ZP2: variants seen among roughly 807,000 people sequenced by gnomAD.
ZP2 encodes the protein zona pellucida glycoprotein 2.
ZP2 carries 51 observed loss-of-function variants against 84.0 expected under a neutral mutation model. The observed-to-expected ratio is 0.61, with a 90% CI of 0.49 to 0.77. The LOEUF (loss-of-function observed/expected upper bound fraction) is 0.77. ZP2 is among the 30% of genes least tolerant of loss of function. The probability of loss-of-function intolerance (pLI) is 0.00; values close to 1 mark genes in which losing one functional copy is unlikely to be tolerated. For synonymous variants in ZP2, 375 were observed against 330.9 expected (o/e 1.13, Z -1.45); for missense variants, 909 against 911.9 (o/e 1.00, Z 0.04).
At chr16:21,211,247 G>C (rs564114481) in intron 2 of ZP2, 60 bp downstream of exon 2, 1 of 1,480,362 alleles carries the variant, frequency 6.8e-7, no homozygotes, top group African/African-American at 1.4e-5. Context: ...GGCCAGCTAG[G>C]CCTTCCAGCT....
chr16:21,199,318 CAAAAAAAAAAAAA>C (rs10644558), intron 16 of ZP2, among the ~76,000 whole-genome samples: 1 of 45,728 alleles, frequency 2.2e-5, no homozygotes, highest in South Asian at 1.2e-3. Flanking sequence ...AAAACTGTCT[CAAAAAAAAAAAAA>C]AAAAAAAAAA....
Position 21,201,730 on chromosome 16 carries a change from T to G in ZP2, c.1480A>C (p.Thr494Pro). Residue 494 changes from threonine to proline, a missense_variant, in exon 13 of 19, where the codon ACC (threonine) becomes CCC (proline). By Grantham distance (38) the Thr-to-Pro change is conservative. Coordinates refer to ENST00000574091, the MANE Select transcript of ZP2 (RefSeq NM_001376232.1). The stretch of plus-strand genomic sequence containing the variant: ...CCTGGGTAGCTTTGCAGGATCAAGG[T>G]AAATGGACCCAACTTCACTGAGGCC... ...PVASVKLGPF[T>P]LILQSYPDNS... The G allele has an allele frequency of 6.2e-7, 1 of 1,614,082 alleles. No homozygotes were observed. Among genetic ancestry groups the G allele is most frequent in the South Asian group, 1.1e-5 (1 of 91,078 alleles).
upstream of ZP2, chr16:21,211,757 G>C (rs1239268765): frequency 2.3e-5 from 34 of 1,465,788 alleles, no homozygotes; most frequent in Non-Finnish European, 2.9e-5. Flanking sequence ...CTGTGGGCCA[G>C]GCATGAAATC....
Position 21,201,692 on chromosome 16 carries a change from C to T in ZP2, c.1504+14G>A. 5.0e-6 allele frequency: 8 copies of T among 1,614,016 alleles called. No individual in the cohort carries two copies. Among genetic ancestry groups the T allele is most frequent in the Non-Finnish European group, 6.8e-6 (8 of 1,179,986 alleles). ...GAGATCATTTAAGCAATTTCACAGA[C>T]TGCAATCTCTTACCTGGGTAGCTTT... On this transcript the variant is annotated intron_variant, in intron 13 of 18. Transcript: ENST00000574091.
At position 21,201,459 on chromosome 16, in the gene ZP2, T is replaced by TC; in HGVS notation, c.1603dup (p.Asp535GlyfsTer10). 6.2e-7 allele frequency: 1 copy of TC among 1,613,654 alleles called. No individual in the cohort carries two copies. Among genetic ancestry groups the TC allele is most frequent in the Non-Finnish European group, 8.5e-7 (1 of 1,179,856 alleles). ...ATCTAAGACCAGCTTGATGTTGGGG[T>TC]CATCCCTGTTTAGGACTCTCACTTC... On this transcript the variant is annotated frameshift_variant, in exon 14 of 19. Coordinates refer to ENST00000574091, the MANE Select transcript of ZP2 (RefSeq NM_001376232.1). LOFTEE classifies it high-confidence loss of function.
intron 14 of ZP2, among the ~76,000 whole-genome samples, chr16:21,200,451 GA>G (rs1363873107): frequency 6.6e-6 from 1 of 152,100 alleles, no homozygotes; most frequent in Non-Finnish European, 1.5e-5. Context: ...AAACAAAACA[GA>G]AGGCTTAGTA....
At chr16:21,205,849 G>A (rs564518113) in intron 5 of ZP2, 74 bp from the exon 6 acceptor site, 70 of 1,514,948 alleles carry the variant, frequency 4.6e-5, no homozygotes, top group Non-Finnish European at 5.3e-5. Flanking sequence ...AGAAATTGCT[G>A]TGTGGTTGTC....
chr16:21,201,787 T>A lies in ZP2; in HGVS notation c.1423A>T (p.Asn475Tyr). 6.2e-7 allele frequency: 1 copy of A among 1,614,138 alleles called. No homozygotes were observed. The highest frequency in any genetic ancestry group is 8.5e-7 in the Non-Finnish European group (1 of 1,180,016). The change falls in exon 13 of 19, where the codon AAC becomes TAC. Residue 475 changes from asparagine (N) to tyrosine (Y), a missense_variant. Asn to Tyr is a moderately radical substitution (Grantham distance 143). Coordinates refer to ENST00000574091, the MANE Select transcript of ZP2 (RefSeq NM_001376232.1). Reference sequence around the variant, plus strand: ...GGAGTAAGGCTTTCAACGTTGATGTTTAGTAGCATGTCATTCCTGCTATAA... The same window carrying A: ...GGAGTAAGGCTTTCAACGTTGATGTATAGTAGCATGTCATTCCTGCTATAA... ...CSYSRNDMLL[N>Y]INVESLTPPV...
chr16:21,210,399 T>A (rs142297015), intron 2 of ZP2, among the ~76,000 whole-genome samples: 14 of 152,140 alleles, frequency 9.2e-5, no homozygotes, highest in Non-Finnish European at 1.8e-4. Flanking sequence ...CCCAGGGCTT[T>A]TGAAGTGTTC....
chr16:21,202,753 G>A (rs766654532), intron 10 of ZP2, among the ~76,000 whole-genome samples: 2 of 140,478 alleles, frequency 1.4e-5, no homozygotes, highest in African/African-American at 2.7e-5. Flanking sequence ...ACATGGTGGA[G>A]GCAATGCTAA....
intron 17 of ZP2, 74 bp downstream of exon 17, chr16:21,198,705 T>C (rs531457217): frequency 3.9e-4 from 488 of 1,244,174 alleles, no homozygotes; most frequent in Non-Finnish European, 5.3e-4. Flanking sequence ...ACATAGTATA[T>C]GTAAGCACTG....
At chr16:21,207,635 AACACACACACACACACAC>A (rs10530241) in intron 4 of ZP2, among the ~76,000 whole-genome samples, 1,633 of 143,826 alleles carry the variant, frequency 0.011, 10 homozygotes, top group Middle Eastern at 0.017. Flanking sequence ...ATATATATTA[AACACACACACACACACAC>A]ACACACACAC....
At chr16:21,203,974 A>G in intron 9 of ZP2, 56 bp downstream of exon 9, 1 of 1,593,620 alleles carries the variant, frequency 6.3e-7, no homozygotes, top group South Asian at 1.1e-5. Context: ...ACTACCCACA[A>G]GAGTATACTT....
rs781257839 is a variant in ZP2 at position 21,201,382 on chromosome 16, C to T, written c.1681G>A (p.Val561Ile). Residue 561 changes from valine to isoleucine, a missense_variant, in exon 14 of 19, where the codon GTT becomes ATT. Transcript: ENST00000574091. ...MDPDSFPQWN[V>I]VVDGCAYDLD... ...GGGAGTACCTACCCATCCACGACAA[C>T]GTTCCACTGGGGGAAAGAGTCTGGA... 6 of 1,578,638 alleles carry T rather than the reference C, an allele frequency of 3.8e-6. No individual in the cohort carries two copies. The highest frequency in any genetic ancestry group is 2.4e-5 in the South Asian group (2 of 84,906).
chr16:21,204,412 G>C lies in ZP2; in HGVS notation c.694-8C>G. ...GAGATGACTGTTACCTTGCTAGGGG[G>C]AGAAATAACAGTGATCTTCAAAAAC... On this transcript the variant is annotated splice_region_variant and splice_polypyrimidine_tract_variant and intron_variant, in intron 7 of 18. Coordinates refer to ENST00000574091, the MANE Select transcript of ZP2 (RefSeq NM_001376232.1). 6.2e-7 allele frequency: 1 copy of C among 1,609,360 alleles called. No homozygotes were observed. Among genetic ancestry groups the C allele is most frequent in the Non-Finnish European group, 8.5e-7 (1 of 1,176,388 alleles).
At chr16:21,207,070 GT>G in intron 4 of ZP2, 80 bp from the exon 5 acceptor site, 1 of 1,552,810 alleles carries the variant, frequency 6.4e-7, no homozygotes, top group African/African-American at 1.4e-5. Flanking sequence ...ACCCATCTGA[GT>G]GGGAAAACCC....
At chr16:21,208,477 T>C (rs1179780726) in intron 4 of ZP2, among the ~76,000 whole-genome samples, 1 of 152,192 alleles carries the variant, frequency 6.6e-6, no homozygotes, top group African/African-American at 2.4e-5. Flanking sequence ...GCTGACCACC[T>C]GCATCGTAAT....
In ZP2 at chr16:21,209,763, T is replaced by G. The variant is rs745492744; in HGVS notation, c.236-38A>C. ...GAGCAGGTTAGACAGGATGGCTGAG[T>G]ACATTTCAGTGACAGTCCAAAGCTA... On this transcript the variant is annotated intron_variant, in intron 3 of 18. Coordinates refer to ENST00000574091, the MANE Select transcript of ZP2 (RefSeq NM_001376232.1). 47 of 1,576,204 alleles carry G rather than the reference T, an allele frequency of 3.0e-5. 1 individual carries two copies. In the South Asian group the frequency reaches 5.1e-4, roughly 17 times the overall value.
rs141680915 is a variant in ZP2, at chr16:21,206,845, A to G, written c.476T>C (p.Phe159Ser). 4.3e-6 allele frequency: 7 copies of G among 1,614,092 alleles called. No individual in the cohort carries two copies. In the South Asian group the frequency reaches 6.6e-5, roughly 15 times the overall value. Residue 159 changes from phenylalanine (F) to serine (S), a missense_variant, in exon 5 of 19, where the codon TTC becomes TCC. Transcript: ENST00000574091. ...LSASTICQKD[F>S]MSFSLPRVFS... The stretch of plus-strand genomic sequence containing the variant: ...TCAGCCCGTTTCACTCACAGACATG[A>G]AATCCTTCTGGCAGATTGTAGATGC...
Sources: gnomAD v4.1 joint callset for allele counts (sites outside exome capture counted in the v4.1 genomes callset) on GRCh38, gnomAD v4.1.1 for gene constraint, MANE v1.5 for transcripts, NCBI Gene and HGNC (gene_info 2026-07-23, HGNC 2026-07-21) for gene names.